The following INPP4B variants were observed in gnomAD, a reference collection of about 807,000 sequenced individuals.
The protein encoded by INPP4B is inositol polyphosphate-4-phosphatase type II B.
Under a neutral mutation model 122.5 loss-of-function variants are expected in INPP4B, and 55 were observed. The ratio of observed to expected loss-of-function variants is 0.45; its 90% confidence interval spans 0.36 to 0.56. INPP4B has a LOEUF of 0.56. Ranked by LOEUF, INPP4B falls within the 20% of genes least tolerant of loss-of-function variation. The pLI is 0.00. For synonymous variants in INPP4B, 403 were observed against 388.7 expected (o/e 1.04, Z -0.43); for missense variants, 1,000 against 1,097.7 (o/e 0.91, Z 1.26).
At chr4:142,640,218 A>G (rs1403410597) in intron 2 of INPP4B, among the ~76,000 whole-genome samples, 1 of 152,148 alleles carries the variant, frequency 6.6e-6, no homozygotes, top group Non-Finnish European at 1.5e-5. Context: ...AGAAACATAA[A>G]TGAAAATGCA....
intron 2 of INPP4B, among the ~76,000 whole-genome samples, chr4:142,685,372 G>A (rs1381629316): frequency 1.3e-5 from 2 of 152,068 alleles, no homozygotes; most frequent in African/African-American, 4.8e-5. Flanking sequence ...TTTTTAGTGA[G>A]TAATATTTCA....
At chr4:142,167,814 C>A (rs1823555745) in intron 16 of INPP4B, among the ~76,000 whole-genome samples, 1 of 151,570 alleles carries the variant, frequency 6.6e-6, no homozygotes, top group African/African-American at 2.4e-5. Flanking sequence ...ATTGCCTATT[C>A]TTTTGTGTAC....
At chr4:142,158,703 T>G (rs1246729014) in intron 17 of INPP4B, among the ~76,000 whole-genome samples, 3 of 151,904 alleles carry the variant, frequency 2.0e-5, no homozygotes, top group African/African-American at 4.8e-5. Flanking sequence ...ATTACTTACC[T>G]TCCCACTTGA....
chr4:142,780,722 C>T (rs1176004648), intron 1 of INPP4B, among the ~76,000 whole-genome samples: 1 of 152,040 alleles, frequency 6.6e-6, no homozygotes, highest in Non-Finnish European at 1.5e-5. Flanking sequence ...TGCTTGAACT[C>T]GGGAAGTGGA....
chr4:142,743,356 T>C (rs1206619138), intron 1 of INPP4B, among the ~76,000 whole-genome samples: 1 of 151,942 alleles, frequency 6.6e-6, no homozygotes, highest in African/African-American at 2.4e-5. Context: ...GAATGGAATA[T>C]GCAAGGCAAG....
At chr4:142,832,359 G>A (rs1782254044) in intron 1 of INPP4B, among the ~76,000 whole-genome samples, 2 of 152,026 alleles carry the variant, frequency 1.3e-5, no homozygotes, top group Non-Finnish European at 2.9e-5. Flanking sequence ...CAATTCCTGG[G>A]CAATTTTATG....
intron 2 of INPP4B, among the ~76,000 whole-genome samples, chr4:142,658,086 A>C (rs1292931442): frequency 6.6e-6 from 1 of 152,232 alleles, no homozygotes; most frequent in Non-Finnish European, 1.5e-5. Flanking sequence ...ATATGCTATC[A>C]ATCATAATTA....
At chr4:142,229,039 C>T (rs1411193443) in intron 12 of INPP4B, among the ~76,000 whole-genome samples, 4 of 151,704 alleles carry the variant, frequency 2.6e-5, no homozygotes. Context: ...CCCTAAAATA[C>T]ATACACACTT....
chr4:142,608,632 C>T (rs1489916570), intron 2 of INPP4B, among the ~76,000 whole-genome samples: 1 of 152,074 alleles, frequency 6.6e-6, no homozygotes, highest in Non-Finnish European at 1.5e-5. Flanking sequence ...CAGAAGTACC[C>T]TTTGGTCTCC....
intron 1 of INPP4B, among the ~76,000 whole-genome samples, chr4:142,810,371 T>C (rs1378808274): frequency 6.6e-6 from 1 of 152,156 alleles, no homozygotes; most frequent in Admixed American, 6.5e-5. Context: ...TTCACATTTG[T>C]TCACTATGCA....
intron 15 of INPP4B, among the ~76,000 whole-genome samples, chr4:142,190,183 T>C (rs1835118254): frequency 7.0e-6 from 1 of 143,330 alleles, no homozygotes; most frequent in Admixed American, 7.4e-5. Context: ...TCTGGGTTTT[T>C]TATTTGTTTG....
chr4:142,572,682 T>G (rs1353850314), intron 2 of INPP4B, among the ~76,000 whole-genome samples: 1 of 151,992 alleles, frequency 6.6e-6, no homozygotes, highest in Non-Finnish European at 1.5e-5. Flanking sequence ...AGATAATAAG[T>G]TAATGATGTC....
At chr4:142,254,713 C>G (rs1189623669) in intron 11 of INPP4B, among the ~76,000 whole-genome samples, 1 of 151,926 alleles carries the variant, frequency 6.6e-6, no homozygotes, top group Non-Finnish European at 1.5e-5. Flanking sequence ...GTGAAAAGAC[C>G]AAATCTACGT....
chr4:142,405,387 G>A, intron 5 of INPP4B, 63 bp from the exon 6 acceptor site: 1 of 1,017,954 alleles, frequency 9.8e-7, no homozygotes, highest in Admixed American at 1.8e-5. Context: ...GAAAACTTCT[G>A]CGCCGGGCTG....
At chr4:142,375,886 G>A (rs1367349132) in intron 7 of INPP4B, among the ~76,000 whole-genome samples, 1 of 151,822 alleles carries the variant, frequency 6.6e-6, no homozygotes, top group African/African-American at 2.4e-5. Context: ...TTTTTGCTGC[G>A]TGAGGGAAAA....
intron 2 of INPP4B, among the ~76,000 whole-genome samples, chr4:142,477,581 A>G (rs541007245): frequency 6.6e-6 from 1 of 152,188 alleles, no homozygotes; most frequent in Admixed American, 6.5e-5. Flanking sequence ...ACAATAAGAA[A>G]CAACAAAGGA....
intron 1 of INPP4B, among the ~76,000 whole-genome samples, chr4:142,816,566 A>C (rs1780143170): frequency 6.6e-6 from 1 of 152,046 alleles, no homozygotes; most frequent in African/African-American, 2.4e-5. Flanking sequence ...CTTAAAAAAA[A>C]CAAATAATAA....
intron 7 of INPP4B, among the ~76,000 whole-genome samples, chr4:142,397,613 A>G (rs762730575): frequency 1.3e-4 from 20 of 151,650 alleles, no homozygotes; most frequent in Non-Finnish European, 2.1e-4. Context: ...GCCGAAGCGG[A>G]CGGATCACGA....
At chr4:142,481,166 A>G (rs1341064664) in intron 2 of INPP4B, among the ~76,000 whole-genome samples, 3 of 151,346 alleles carry the variant, frequency 2.0e-5, no homozygotes, top group African/African-American at 7.3e-5. Context: ...AGTAGATTAA[A>G]CTGTTTAATC....
Sources: allele counts gnomAD v4.1 joint callset (sites outside exome capture counted in the v4.1 genomes callset), GRCh38; gene constraint gnomAD v4.1.1; transcripts MANE v1.5; gene names NCBI Gene and HGNC (gene_info 2026-07-23, HGNC 2026-07-21).